IMMP2L: variants seen among roughly 807,000 people sequenced by gnomAD.
The protein encoded by IMMP2L is inner mitochondrial membrane peptidase subunit 2.
In IMMP2L, 18 loss-of-function variants were observed where a neutral mutation model predicts 19.3. That is an observed-to-expected ratio of 0.93 (90% CI 0.64 to 1.38). The LOEUF is 1.38. Among genes scored for constraint, IMMP2L ranks in the 40% most tolerant of loss-of-function variants. The pLI is 0.00. For missense variants in IMMP2L, 233 were observed against 218.2 expected (o/e 1.07, Z -0.43); for synonymous variants, 76 against 73.0 (o/e 1.04, Z -0.21).
chr7:110,715,732 T>A (rs764125714), intron 5 of IMMP2L, among the ~76,000 whole-genome samples: 2 of 148,932 alleles, frequency 1.3e-5, no homozygotes, highest in Middle Eastern at 3.5e-3. Context: ...TAGGCTGCGA[T>A]TGATGGGTTG....
At chr7:111,501,611 A>T (rs1239854815) in intron 2 of IMMP2L, among the ~76,000 whole-genome samples, 4 of 152,166 alleles carry the variant, frequency 2.6e-5, no homozygotes, top group Non-Finnish European at 5.9e-5. Context: ...CCCATCAGAC[A>T]AACAGCGGAT....
At chr7:111,515,622 A>C (rs992725290) in intron 2 of IMMP2L, among the ~76,000 whole-genome samples, 3 of 152,142 alleles carry the variant, frequency 2.0e-5, no homozygotes, top group Non-Finnish European at 4.4e-5. Flanking sequence ...ACACATTTTT[A>C]AAGTTTTTAA....
At chr7:110,882,314 TTCCTTCCTTCCTTCC>T (rs1413703341) in intron 5 of IMMP2L, among the ~76,000 whole-genome samples, 4 of 110,032 alleles carry the variant, frequency 3.6e-5, no homozygotes, top group South Asian at 4.8e-4. Flanking sequence ...CCTTCCTTCC[TTCCTTCCTTCCTTCC>T]TTCCTTCCTT....
rs28521977 is a variant in IMMP2L at position 110,683,596 on chromosome 7, T to C, written c.409-19875A>G. On this transcript the variant is annotated intron_variant, in intron 5 of 5. Coordinates refer to ENST00000405709, the MANE Select transcript of IMMP2L (RefSeq NM_032549.4). ...CTATCATACAGATTTTTGCTACTTT[T>C]ATTTTTTGTAAAGACTCAATCTGTC... Among the ~76,000 whole-genome samples the C allele has an allele frequency of 9.8e-3, 1,499 of 152,268 alleles. 27 individuals are homozygous for C. The highest frequency in any genetic ancestry group is 0.034 in the African/African-American group (1,403 of 41,568).
chr7:111,403,176 C>T lies in IMMP2L; in HGVS notation c.239+84062G>A, dbSNP rs149451388. On this transcript the variant is annotated intron_variant, in intron 3 of 5. Coordinates refer to ENST00000405709, the MANE Select transcript of IMMP2L (RefSeq NM_032549.4). ...GACCTGGTGGGAGGTGACTGTATCA[C>T]AGGGCGGTTTCCCCATGCTATTCTC... 1.9e-3 allele frequency among the ~76,000 whole-genome samples: 294 copies of T among 152,102 alleles called. 3 individuals carry two copies. Among genetic ancestry groups the T allele is most frequent in the Non-Finnish European group, 3.6e-3 (244 of 67,988 alleles).
At chr7:110,911,870 G>T (rs527516398) in intron 4 of IMMP2L, among the ~76,000 whole-genome samples, 1 of 151,966 alleles carries the variant, frequency 6.6e-6, no homozygotes, top group Non-Finnish European at 1.5e-5. Flanking sequence ...AGCATTTGAC[G>T]GGACAGTAAA....
At chr7:111,166,460 A>G (rs1166146050) in intron 3 of IMMP2L, among the ~76,000 whole-genome samples, 1 of 152,014 alleles carries the variant, frequency 6.6e-6, no homozygotes, top group Admixed American at 6.6e-5. Context: ...AGAAGCAAAT[A>G]TACTTTAACA....
At chr7:111,556,018 G>GTGTGTGTGTATATATATA (rs777862357) in intron 1 of IMMP2L, among the ~76,000 whole-genome samples, 6 of 91,334 alleles carry the variant, frequency 6.6e-5, no homozygotes, top group African/African-American at 2.2e-4. Flanking sequence ...CTGTGTGCAT[G>GTGTGTGTGTATATATATA]TATATATATA....
At chr7:111,146,255 A>G (rs1461418245) in intron 3 of IMMP2L, among the ~76,000 whole-genome samples, 3 of 135,942 alleles carry the variant, frequency 2.2e-5, no homozygotes, top group African/African-American at 8.0e-5. Flanking sequence ...GAGGGGAGGA[A>G]AGGGAGGAAG....
chr7:110,918,310 G>A (rs937978944), intron 4 of IMMP2L, among the ~76,000 whole-genome samples: 5 of 151,990 alleles, frequency 3.3e-5, no homozygotes, highest in African/African-American at 1.2e-4. Flanking sequence ...GACTTAGTTA[G>A]GAGAAGGAAG....
At chr7:111,382,379 A>C (rs1831284466) in intron 3 of IMMP2L, among the ~76,000 whole-genome samples, 1 of 152,090 alleles carries the variant, frequency 6.6e-6, no homozygotes, top group Non-Finnish European at 1.5e-5. Flanking sequence ...AGTATTTGGC[A>C]AGTCAGAGAT....
chr7:110,676,641 T>A (rs1792317933), intron 5 of IMMP2L, among the ~76,000 whole-genome samples: 1 of 152,218 alleles, frequency 6.6e-6, no homozygotes, highest in Admixed American at 6.5e-5. Context: ...CCTACATTAA[T>A]GGAAACATCT....
At chr7:110,721,260 T>C (rs1795549060) in intron 5 of IMMP2L, among the ~76,000 whole-genome samples, 1 of 152,094 alleles carries the variant, frequency 6.6e-6, no homozygotes, top group African/African-American at 2.4e-5. Flanking sequence ...TTCCCAAGTC[T>C]CACATTGTTC....
chr7:110,857,283 A>G (rs985521026), intron 5 of IMMP2L, among the ~76,000 whole-genome samples: 1 of 152,060 alleles, frequency 6.6e-6, no homozygotes, highest in African/African-American at 2.4e-5. Flanking sequence ...CCTTTTGTCT[A>G]GCCTAGCATA....
At chr7:110,900,316 T>C (rs1811728346) in intron 4 of IMMP2L, among the ~76,000 whole-genome samples, 2 of 152,254 alleles carry the variant, frequency 1.3e-5, no homozygotes, top group South Asian at 2.1e-4. Context: ...AATCACTTCA[T>C]GAAACTTTAA....
At chr7:110,901,973 G>C (rs998495456) in intron 4 of IMMP2L, among the ~76,000 whole-genome samples, 12 of 152,034 alleles carry the variant, frequency 7.9e-5, no homozygotes, top group African/African-American at 2.7e-4. Context: ...TTGCATCAAA[G>C]CTATAAGACT....
rs1040437364 is a variant in IMMP2L, at chr7:111,327,943, G to A, written c.239+159295C>T. ...AATCACCTGTTTGGAAAATAGGTAC[G>A]TATAGTAGATATATAATATATAAGA... On this transcript the variant is annotated intron_variant, in intron 3 of 5. Coordinates refer to ENST00000405709, the MANE Select transcript of IMMP2L (RefSeq NM_032549.4). Among the ~76,000 whole-genome samples, 33 of 151,790 alleles carry A rather than the reference G, an allele frequency of 2.2e-4. 1 individual carries two copies. The highest frequency in any genetic ancestry group is 7.5e-4 in the African/African-American group (31 of 41,484).
At chr7:110,989,092 G>T (rs1051529017) in intron 3 of IMMP2L, among the ~76,000 whole-genome samples, 1 of 152,008 alleles carries the variant, frequency 6.6e-6, no homozygotes. Context: ...AAAATTAGCC[G>T]GGTGTCGTGG....
chr7:110,997,662 T>A (rs572824097), intron 3 of IMMP2L, among the ~76,000 whole-genome samples: 1 of 152,300 alleles, frequency 6.6e-6, no homozygotes, highest in African/African-American at 2.4e-5. Context: ...CATATACTTT[T>A]CAGTGATTTT....
Sources: allele counts gnomAD v4.1 joint callset (sites outside exome capture counted in the v4.1 genomes callset), GRCh38; gene constraint gnomAD v4.1.1; transcripts MANE v1.5; gene names NCBI Gene and HGNC (gene_info 2026-07-23, HGNC 2026-07-21).